Variants in RALGPS1 observed in about 807,000 individuals in gnomAD.
RALGPS1 encodes ras-specific guanine nucleotide-releasing factor RalGPS1.
Under a neutral mutation model 78.8 loss-of-function variants are expected in RALGPS1, and 19 were observed. That is an observed-to-expected ratio of 0.24 (90% CI 0.17 to 0.35). RALGPS1 has a LOEUF of 0.35. Ranked by LOEUF, RALGPS1 falls within the 10% of genes least tolerant of loss-of-function variation. RALGPS1 has a pLI of 1.00. For synonymous variants in RALGPS1, 228 were observed against 256.3 expected (o/e 0.89, Z 1.06); for missense variants, 454 against 688.3 (o/e 0.66, Z 3.81).
At chr9:127,073,446 TTGTG>T (rs372544285) in intron 8 of RALGPS1, among the ~76,000 whole-genome samples, 1 of 88,536 alleles carries the variant, frequency 1.1e-5, no homozygotes, top group Non-Finnish European at 2.6e-5. Flanking sequence ...TAGTACACCA[TTGTG>T]TGTGTGTGTG....
chr9:127,003,512 T>C (rs1450642833), intron 4 of RALGPS1, among the ~76,000 whole-genome samples: 1 of 152,146 alleles, frequency 6.6e-6, no homozygotes, highest in Non-Finnish European at 1.5e-5. Context: ...AGATACCATC[T>C]CACACCAGTT....
intron 4 of RALGPS1, among the ~76,000 whole-genome samples, chr9:127,005,939 T>C (rs1319242572): frequency 1.3e-5 from 2 of 152,216 alleles, no homozygotes; most frequent in African/African-American, 2.4e-5. Context: ...GGCAGAGTCA[T>C]GCTTAGTCTT....
intron 8 of RALGPS1, among the ~76,000 whole-genome samples, chr9:127,078,605 C>T (rs1390299148): frequency 6.6e-6 from 1 of 152,154 alleles, no homozygotes; most frequent in Admixed American, 6.5e-5. Flanking sequence ...TCTTGTTTTC[C>T]GAATGCTTTG....
At chr9:127,070,124 A>G (rs2050066783) in intron 8 of RALGPS1, 1 of 152,150 alleles carries the variant, frequency 6.6e-6, no homozygotes, top group South Asian at 2.1e-4. Flanking sequence ...AAGCTGTTCC[A>G]CCTCAGATGA....
intron 1 of RALGPS1, among the ~76,000 whole-genome samples, chr9:126,929,577 G>A (rs2035611160): frequency 6.6e-6 from 1 of 151,618 alleles, no homozygotes; most frequent in South Asian, 2.1e-4. Context: ...TCAGCCTCCC[G>A]AGTAGCTGGG....
intron 4 of RALGPS1, among the ~76,000 whole-genome samples, chr9:126,978,929 A>G (rs2040950762): frequency 6.6e-6 from 1 of 152,210 alleles, no homozygotes. Flanking sequence ...TATGTGGTCA[A>G]CATGGGCAAA....
At chr9:127,147,415 A>G (rs2058155490) in intron 8 of RALGPS1, among the ~76,000 whole-genome samples, 1 of 152,154 alleles carries the variant, frequency 6.6e-6, no homozygotes, top group African/African-American at 2.4e-5. Flanking sequence ...TTTTTGCTGC[A>G]TTAGCTTTTG....
At chr9:127,194,187 C>G (rs1278748689) in intron 11 of RALGPS1, among the ~76,000 whole-genome samples, 1 of 152,218 alleles carries the variant, frequency 6.6e-6, no homozygotes, top group Non-Finnish European at 1.5e-5. Flanking sequence ...GGACTTCTGA[C>G]CACCTGCAAG....
Position 127,166,140 on chromosome 9 carries a change from C to CAA in RALGPS1, c.684_685dup (p.Arg229LysfsTer6). ...CTCAGGCAGTATCATGGAAAATGAACAAAGATCCAATCAGATGAACAATAT... is the reference window on the plus strand; with the variant it reads ...CTCAGGCAGTATCATGGAAAATGAACAAAAAGATCCAATCAGATGAACAATAT... On this transcript the variant is annotated frameshift_variant, in exon 9 of 19. Coordinates refer to ENST00000259351, the MANE Select transcript of RALGPS1 (RefSeq NM_014636.3). LOFTEE classifies it high-confidence loss of function. 6.2e-7 allele frequency: 1 copy of CAA among 1,613,742 alleles called. No homozygotes were observed. The highest frequency in any genetic ancestry group is 8.5e-7 in the Non-Finnish European group (1 of 1,179,940).
chr9:126,991,385 A>T (rs555707685), intron 4 of RALGPS1, among the ~76,000 whole-genome samples: 3 of 149,616 alleles, frequency 2.0e-5, no homozygotes, highest in African/African-American at 7.3e-5. Flanking sequence ...TTCGAGACTC[A>T]TTTTTTTTTT....
At chr9:127,118,875 A>G (rs1010909099) in intron 8 of RALGPS1, among the ~76,000 whole-genome samples, 19 of 152,050 alleles carry the variant, frequency 1.2e-4, no homozygotes, top group African/African-American at 4.1e-4. Flanking sequence ...TGTTTGTTCT[A>G]TTGTAGCTAC....
At chr9:127,031,122 G>A (rs575092717) in intron 4 of RALGPS1, among the ~76,000 whole-genome samples, 14 of 152,324 alleles carry the variant, frequency 9.2e-5, no homozygotes, top group African/African-American at 2.6e-4. Flanking sequence ...AGCTACCAGG[G>A]CCGTACTGGT....
At chr9:127,079,753 C>G (rs754241546) in intron 8 of RALGPS1, 15 of 152,312 alleles carry the variant, frequency 9.8e-5, no homozygotes, top group Admixed American at 2.0e-4. Flanking sequence ...AATAGCTTGA[C>G]TGAAGTCTCA....
chr9:127,034,124 A>G (rs896777874), intron 4 of RALGPS1, among the ~76,000 whole-genome samples: 2 of 152,210 alleles, frequency 1.3e-5, no homozygotes, highest in African/African-American at 4.8e-5. Flanking sequence ...GACAATTTGC[A>G]TTGTAAGAAG....
intron 11 of RALGPS1, among the ~76,000 whole-genome samples, chr9:127,185,020 G>T (rs1342043814): frequency 1.3e-5 from 2 of 152,190 alleles, no homozygotes; most frequent in African/African-American, 4.8e-5. Context: ...GCAGCCATGA[G>T]CACTATGCCC....
chr9:126,966,560 A>G (rs1016155685), intron 3 of RALGPS1, among the ~76,000 whole-genome samples: 3 of 151,136 alleles, frequency 2.0e-5, no homozygotes, highest in Non-Finnish European at 4.4e-5. Context: ...CAACACACAT[A>G]TGACATGTAT....
chr9:127,141,616 CAAAA>C (rs61291398), intron 8 of RALGPS1, among the ~76,000 whole-genome samples: 14 of 68,676 alleles, frequency 2.0e-4, no homozygotes, highest in East Asian at 4.7e-4. Flanking sequence ...TTTTTAATGG[CAAAA>C]AAAAAAAAAA....
intron 14 of RALGPS1, chr9:127,210,488 T>G (rs1052137013): frequency 6.8e-6 from 4 of 586,630 alleles, no homozygotes; most frequent in Non-Finnish European, 1.2e-5. Context: ...ACTTGGAGAC[T>G]CTGAGGGGTG....
intron 8 of RALGPS1, among the ~76,000 whole-genome samples, chr9:127,118,924 G>A (rs976831546): frequency 3.3e-5 from 5 of 152,206 alleles, no homozygotes; most frequent in Non-Finnish European, 7.3e-5. Flanking sequence ...GAAATTGCTC[G>A]TGTGTGGCCC....
Sources: gnomAD v4.1 joint callset for allele counts (sites outside exome capture counted in the v4.1 genomes callset) on GRCh38, gnomAD v4.1.1 for gene constraint, MANE v1.5 for transcripts, NCBI Gene and HGNC (gene_info 2026-07-23, HGNC 2026-07-21) for gene names.